NRG1: variants seen among roughly 807,000 people sequenced by gnomAD.
NRG1 encodes the protein neuregulin 1.
In NRG1, 18 loss-of-function variants were observed where a neutral mutation model predicts 63.8. The ratio of observed to expected loss-of-function variants is 0.28; its 90% CI spans 0.19 to 0.42. The LOEUF is 0.42. Ranked by LOEUF, NRG1 falls within the 10% of genes least tolerant of loss-of-function variation. The pLI is 1.00. For synonymous variants in NRG1, 302 were observed against 301.3 expected (o/e 1.00, Z -0.02); for missense variants, 762 against 814.7 (o/e 0.94, Z 0.79).
chr8:32,754,533 C>T (rs1387651283), intron 8 of NRG1, 59 bp downstream of exon 8: 1 of 1,487,028 alleles, frequency 6.7e-7, no homozygotes, highest in Non-Finnish European at 9.3e-7. Context: ...CTTAGATGGC[C>T]AGGGCTTTGC....
At chr8:32,063,762 A>T (rs1219925184) in intron 1 of NRG1, among the ~76,000 whole-genome samples, 1 of 152,070 alleles carries the variant, frequency 6.6e-6, no homozygotes, top group East Asian at 1.9e-4. Flanking sequence ...TGTTTAATAC[A>T]CTTTTTTATG....
intron 1 of NRG1, among the ~76,000 whole-genome samples, chr8:32,220,076 T>C (rs1310073958): frequency 6.6e-6 from 1 of 151,962 alleles, no homozygotes; most frequent in Non-Finnish European, 1.5e-5. Context: ...GATCAGAAAG[T>C]GGGGAAGGCG....
chr8:31,745,995 T>C (rs979610846), intron 1 of NRG1, among the ~76,000 whole-genome samples: 1 of 151,952 alleles, frequency 6.6e-6, no homozygotes, highest in African/African-American at 2.4e-5. Flanking sequence ...GCTGCCTCTC[T>C]TGACGATAAC....
intron 5 of NRG1, among the ~76,000 whole-genome samples, chr8:32,718,025 T>A (rs1819686682): frequency 6.6e-6 from 1 of 152,176 alleles, no homozygotes; most frequent in African/African-American, 2.4e-5. Flanking sequence ...AAAAAACATA[T>A]CATTTCAAGC....
chr8:32,466,182 C>T (rs1342317379), intron 1 of NRG1, among the ~76,000 whole-genome samples: 7 of 151,964 alleles, frequency 4.6e-5, no homozygotes, highest in African/African-American at 9.7e-5. Flanking sequence ...AGTAAATTAG[C>T]CAGGCATAGT....
chr8:32,035,398 G>A (rs1460866066), intron 1 of NRG1, among the ~76,000 whole-genome samples: 2 of 151,978 alleles, frequency 1.3e-5, no homozygotes, highest in African/African-American at 2.4e-5. Flanking sequence ...ATGTGGCACC[G>A]AGAAGAATGT....
At chr8:31,900,909 A>T (rs78029917) in intron 1 of NRG1, among the ~76,000 whole-genome samples, 47 of 152,344 alleles carry the variant, frequency 3.1e-4, no homozygotes, top group African/African-American at 9.4e-4. Context: ...CTGAAAACAG[A>T]GGTCACAGAT....
intron 1 of NRG1, among the ~76,000 whole-genome samples, chr8:31,708,524 C>A (rs1811388241): frequency 6.7e-6 from 1 of 148,510 alleles, no homozygotes; most frequent in Non-Finnish European, 1.5e-5. Flanking sequence ...CGGCTCACTG[C>A]AAGCTCCGCC....
chr8:32,763,477 A>C (rs1295556673), intron 11 of NRG1: 1 of 1,215,196 alleles, frequency 8.2e-7, no homozygotes, highest in East Asian at 2.4e-5. Flanking sequence ...GCCATTATTT[A>C]TAATTGTGAT....
At chr8:32,032,565 C>T (rs1818429230) in intron 1 of NRG1, among the ~76,000 whole-genome samples, 1 of 152,198 alleles carries the variant, frequency 6.6e-6, no homozygotes, top group Non-Finnish European at 1.5e-5. Context: ...CTCACTCAGC[C>T]ATGAATATCT....
chr8:32,523,419 A>G (rs1830522035), intron 1 of NRG1, among the ~76,000 whole-genome samples: 1 of 152,198 alleles, frequency 6.6e-6, no homozygotes, highest in African/African-American at 2.4e-5. Flanking sequence ...GGTTATTTAT[A>G]TTACTATTTA....
chr8:32,388,678 A>T (rs1714697676), intron 1 of NRG1, among the ~76,000 whole-genome samples: 2 of 151,852 alleles, frequency 1.3e-5, no homozygotes, highest in South Asian at 4.2e-4. Flanking sequence ...GTCTCAAAAA[A>T]TGCTTTATTT....
intron 5 of NRG1, among the ~76,000 whole-genome samples, chr8:32,720,659 A>G (rs1668130512): frequency 1.3e-5 from 2 of 152,170 alleles, no homozygotes; most frequent in South Asian, 2.1e-4. Context: ...CATTTAGTCA[A>G]TTATCCACTA....
chr8:32,057,580 C>T (rs1317681011), intron 1 of NRG1, among the ~76,000 whole-genome samples: 2 of 152,088 alleles, frequency 1.3e-5, no homozygotes, highest in African/African-American at 4.8e-5. Context: ...AGGTTTTTAC[C>T]ACTCCTGTTC....
At chr8:32,548,940 C>T (rs1833536055) in intron 1 of NRG1, 114 bp downstream of exon 1, 2 of 1,329,504 alleles carry the variant, frequency 1.5e-6, no homozygotes, top group South Asian at 1.5e-5. Flanking sequence ...GTCCTCTTCG[C>T]CCTGCGCTCT....
intron 1 of NRG1, among the ~76,000 whole-genome samples, chr8:32,038,969 A>G (rs16878679): frequency 0.11 from 16,436 of 152,138 alleles, 2,949 homozygotes; most frequent in African/African-American, 0.37. Context: ...AAAAAATCAC[A>G]TCTAAAAATG....
chr8:32,046,567 A>G (rs1196982938), intron 1 of NRG1, among the ~76,000 whole-genome samples: 1 of 152,148 alleles, frequency 6.6e-6, no homozygotes, highest in Non-Finnish European at 1.5e-5. Context: ...ACAGGTGAAT[A>G]GAAAAACAAA....
intron 1 of NRG1, among the ~76,000 whole-genome samples, chr8:31,764,194 G>T (rs1426752599): frequency 6.6e-6 from 1 of 151,968 alleles, no homozygotes; most frequent in Non-Finnish European, 1.5e-5. Flanking sequence ...TTGAGATAAT[G>T]GTAGATTGAC....
At chr8:31,759,114 T>A (rs1195128625) in intron 1 of NRG1, among the ~76,000 whole-genome samples, 3 of 152,154 alleles carry the variant, frequency 2.0e-5, no homozygotes, top group Non-Finnish European at 4.4e-5. Context: ...TCTTATAGAT[T>A]TCATACATGT....
Sources: allele counts gnomAD v4.1 joint callset (sites outside exome capture counted in the v4.1 genomes callset), GRCh38; gene constraint gnomAD v4.1.1; transcripts MANE v1.5; gene names NCBI Gene and HGNC (gene_info 2026-07-23, HGNC 2026-07-21).